The following ERN1 variants were observed in gnomAD, a reference collection of about 807,000 sequenced individuals.
The protein encoded by ERN1 is endoplasmic reticulum to nucleus signaling 1, also known as serine/threonine-protein kinase/endoribonuclease IRE1.
In ERN1, 39 loss-of-function variants were observed where a neutral mutation model predicts 113.1. That is an observed-to-expected ratio of 0.34 (90% confidence interval 0.27 to 0.45). The LOEUF is 0.45. ERN1 is among the 20% of genes least tolerant of loss of function. The pLI, the probability that ERN1 is intolerant of heterozygous loss-of-function variation, is 1.00. For missense variants in ERN1, 976 were observed against 1,274.8 expected (o/e 0.77, Z 3.57); for synonymous variants, 507 against 515.9 (o/e 0.98, Z 0.23).
At chr17:64,072,667 C>A (rs577182757) in intron 5 of ERN1, among the ~76,000 whole-genome samples, 1 of 152,380 alleles carries the variant, frequency 6.6e-6, no homozygotes, top group East Asian at 1.9e-4. Context: ...CTGTTCCCAG[C>A]CAGTAAGTAA....
At chr17:64,080,411 C>T (rs149665295) in intron 3 of ERN1, 245 of 200,942 alleles carry the variant, frequency 1.2e-3, no homozygotes, top group African/African-American at 5.6e-3. Context: ...CAGTGCTATC[C>T]AGCTTTTACC....
At chr17:64,102,992 C>A (rs1232747293) in intron 1 of ERN1, 1 of 982,052 alleles carries the variant, frequency 1.0e-6, no homozygotes, top group Admixed American at 6.2e-5. Flanking sequence ...AGGGTAGTGG[C>A]AGGCATCTAG....
At chr17:64,076,000 G>A (rs932722003) in intron 4 of ERN1, among the ~76,000 whole-genome samples, 4 of 152,210 alleles carry the variant, frequency 2.6e-5, no homozygotes. Flanking sequence ...GTTTTCTTCA[G>A]TAAATAATTC....
At chr17:64,051,437 C>T (rs1032807122) in intron 17 of ERN1, among the ~76,000 whole-genome samples, 1 of 152,222 alleles carries the variant, frequency 6.6e-6, no homozygotes, top group Non-Finnish European at 1.5e-5. Context: ...CTTACAGATA[C>T]AATCTGCCAT....
At chr17:64,090,069 C>T (rs1443726975) in intron 2 of ERN1, among the ~76,000 whole-genome samples, 3 of 152,158 alleles carry the variant, frequency 2.0e-5, no homozygotes, top group Non-Finnish European at 4.4e-5. Flanking sequence ...AGAGAAAAAG[C>T]ACTTCATTAA....
chr17:64,129,772 G>T, intron 1 of ERN1: 1 of 425,392 alleles, frequency 2.4e-6, no homozygotes, highest in Non-Finnish European at 4.0e-6. Context: ...CCTCGGTGGG[G>T]CCGCGACTCC....
At chr17:64,062,177 A>C (rs1018273207) in intron 10 of ERN1, among the ~76,000 whole-genome samples, 10 of 152,276 alleles carry the variant, frequency 6.6e-5, no homozygotes, top group African/African-American at 2.4e-4. Flanking sequence ...AGACCTACTG[A>C]ATCAGGCTCT....
intron 1 of ERN1, among the ~76,000 whole-genome samples, chr17:64,099,458 C>T (rs570313844): frequency 5.0e-4 from 76 of 151,850 alleles, no homozygotes; most frequent in Non-Finnish European, 9.4e-4. Flanking sequence ...GCAACCCCAC[C>T]CTTGTAATGA....
At chr17:64,062,269 C>A (rs1048580205) in intron 10 of ERN1, among the ~76,000 whole-genome samples, 1 of 152,272 alleles carries the variant, frequency 6.6e-6, no homozygotes, top group African/African-American at 2.4e-5. Context: ...GGGCAACCCA[C>A]AGACCATGCC....
At position 64,129,746 on chromosome 17, in the gene ERN1, C is replaced by T. The variant is rs1229105759; in HGVS notation, c.54+230G>A. On this transcript the variant is annotated intron_variant, in intron 1 of 21. Coordinates refer to ENST00000433197, the MANE Select transcript of ERN1 (RefSeq NM_001433.5). ...GACAGCCGCGCTGGCTTGGGAGGCT[C>T]TTCGGGCGGCCGACGCCTCGGTGGG... The T allele has an allele frequency of 4.0e-5, 16 of 395,608 alleles. No individual in the cohort carries two copies. The East Asian group carries it at 6.0e-4, about 15-fold the overall frequency. 24.5% of individuals were successfully genotyped at this position (395,608 alleles called of 1,614,324 possible).
chr17:64,125,587 C>G (rs976182036), intron 1 of ERN1, among the ~76,000 whole-genome samples: 21 of 152,188 alleles, frequency 1.4e-4, no homozygotes, highest in Non-Finnish European at 2.9e-5. Flanking sequence ...CTCCCAGGTT[C>G]AAGCGATTCT....
chr17:64,093,182 C>G (rs1914135752), intron 2 of ERN1, among the ~76,000 whole-genome samples: 1 of 152,128 alleles, frequency 6.6e-6, no homozygotes, highest in Admixed American at 6.6e-5. Flanking sequence ...TCATTGGCTC[C>G]TGAAAAAAGT....
intron 1 of ERN1, chr17:64,098,680 G>A: frequency 2.3e-6 from 1 of 436,444 alleles, no homozygotes; most frequent in Non-Finnish European, 4.5e-6. Context: ...AGGGGAAAAT[G>A]CTTAAAGCAA....
chr17:64,052,109 C>G (rs1293785277), intron 17 of ERN1, among the ~76,000 whole-genome samples: 1 of 152,194 alleles, frequency 6.6e-6, no homozygotes, highest in Non-Finnish European at 1.5e-5. Context: ...CTCATGTCTG[C>G]AATCCCAGCA....
intron 15 of ERN1, among the ~76,000 whole-genome samples, chr17:64,053,756 T>G (rs933497846): frequency 6.6e-6 from 1 of 152,094 alleles, no homozygotes; most frequent in African/African-American, 2.4e-5. Flanking sequence ...TGTCCAGGTT[T>G]CCTGGAGGCA....
At chr17:64,067,124 G>A (rs1195767291) in intron 7 of ERN1, 192 bp from the exon 8 acceptor site, 1 of 625,252 alleles carries the variant, frequency 1.6e-6, no homozygotes, top group African/African-American at 1.8e-5. Flanking sequence ...GACACTGAGA[G>A]CTGGCTGGCG....
chr17:64,057,182 T>C (rs1598049922), intron 12 of ERN1, among the ~76,000 whole-genome samples: 1 of 152,340 alleles, frequency 6.6e-6, no homozygotes, highest in African/African-American at 2.4e-5. Flanking sequence ...GGAAAGGTCT[T>C]CATCTATTAT....
intron 1 of ERN1, among the ~76,000 whole-genome samples, chr17:64,127,793 G>A (rs1447447267): frequency 6.6e-6 from 1 of 151,086 alleles, no homozygotes; most frequent in East Asian, 1.9e-4. Flanking sequence ...AGTAGTAGTA[G>A]TAAAAGAATA....
At chr17:64,055,114 C>T (rs1035117115) in intron 13 of ERN1, among the ~76,000 whole-genome samples, 2 of 152,232 alleles carry the variant, frequency 1.3e-5, no homozygotes, top group African/African-American at 4.8e-5. Flanking sequence ...GTTTCACACA[C>T]TTATACATAT....
Sources: gnomAD v4.1 joint callset for allele counts (sites outside exome capture counted in the v4.1 genomes callset) on GRCh38, gnomAD v4.1.1 for gene constraint, MANE v1.5 for transcripts, NCBI Gene and HGNC (gene_info 2026-07-23, HGNC 2026-07-21) for gene names.